Variants in GRAMD1B observed in about 807,000 individuals in gnomAD.
The protein encoded by GRAMD1B is protein Aster-B.
In GRAMD1B, 37 loss-of-function variants were observed where a neutral mutation model predicts 99.7. The observed-to-expected ratio is 0.37, with a 90% CI of 0.29 to 0.49. The LOEUF is 0.49. GRAMD1B is among the 20% of genes least tolerant of loss of function. The probability of loss-of-function intolerance (pLI) is 0.98; values close to 1 mark genes in which losing one functional copy is unlikely to be tolerated. For synonymous variants in GRAMD1B, 427 were observed against 387.6 expected, an observed-to-expected ratio of 1.10 and a Z score of -1.19; for missense variants, 888 against 1,009.2, an observed-to-expected ratio of 0.88 and a Z score of 1.63.
intron 1 of GRAMD1B, among the ~76,000 whole-genome samples, chr11:123,404,696 G>A (rs1424488871): frequency 6.6e-6 from 1 of 152,216 alleles, no homozygotes; most frequent in Non-Finnish European, 1.5e-5. Flanking sequence ...AATCATTCAT[G>A]AGAAAATCTG....
intron 2 of GRAMD1B, among the ~76,000 whole-genome samples, chr11:123,494,417 GC>G (rs1938971802): frequency 6.7e-6 from 1 of 148,476 alleles, no homozygotes; most frequent in Admixed American, 6.7e-5. Flanking sequence ...AGCACTTAAG[GC>G]CTTTTTTTTT....
rs190386398 is a variant in GRAMD1B at position 123,604,301 on chromosome 11, G to A, written c.1166+760G>A. Among the ~76,000 whole-genome samples the A allele has an allele frequency of 2.6e-5, 4 of 152,348 alleles. No homozygotes were observed. In the East Asian group the frequency reaches 7.7e-4, roughly 29 times the overall value. ...GAACCTAAAAAGGAGTTCAAGGACT[G>A]CCTGGGAGCACTCAGTGAGGGAAAG... is the stretch of plus-strand genomic sequence containing the variant. On this transcript the variant is annotated intron_variant, in intron 9 of 19. Transcript: ENST00000635736.
chr11:123,388,551 G>C (rs1159771286), intron 1 of GRAMD1B, among the ~76,000 whole-genome samples: 1 of 152,110 alleles, frequency 6.6e-6, no homozygotes, highest in Non-Finnish European at 1.5e-5. Context: ...GCACATACCT[G>C]TAGTCCCAGC....
In GRAMD1B at chr11:123,385,918, C is replaced by T. The variant is rs184196358; in HGVS notation, c.-176+27119C>T. Among the ~76,000 whole-genome samples, 600 of 152,228 alleles carry T rather than the reference C, an allele frequency of 3.9e-3. 1 individual carries two copies. The highest frequency in any genetic ancestry group is 6.4e-3 in the Admixed American group (98 of 15,288). ...GCATATGCTTCTATTGTTCCCTTCC[C>T]AGGCCTCATAATTATGCTTTGTGAA... is the stretch of plus-strand genomic sequence containing the variant. On this transcript the variant is annotated intron_variant, in intron 1 of 20. Transcript: ENST00000638157.
At chr11:123,534,478 G>T (rs1379306187) in intron 2 of GRAMD1B, among the ~76,000 whole-genome samples, 2 of 152,176 alleles carry the variant, frequency 1.3e-5, no homozygotes, top group Non-Finnish European at 2.9e-5. Flanking sequence ...AGATGGAGAG[G>T]TAGTAATGGG....
Position 123,526,116 on chromosome 11 carries a change from G to C in GRAMD1B, c.452+45223G>C, listed in dbSNP as rs374179965. 1.0e-3 allele frequency: 1,653 copies of C among 1,607,958 alleles called. 3 individuals carry two copies. Among genetic ancestry groups the C allele is most frequent in the Non-Finnish European group, 1.3e-3 (1,504 of 1,174,864 alleles). On this transcript the variant is annotated intron_variant, in intron 2 of 19. Transcript: ENST00000635736. ...TCCGGAGCTGTAACGGGGATGCTAA[G>C]GACACGGTCAGTGGATTATCGTGAC... is the stretch of plus-strand genomic sequence containing the variant.
At chr11:123,508,831 G>A (rs560754233) in intron 2 of GRAMD1B, among the ~76,000 whole-genome samples, 16 of 152,120 alleles carry the variant, frequency 1.1e-4, no homozygotes, top group Non-Finnish European at 1.8e-4. Flanking sequence ...GACTACAGGC[G>A]TGTACCACCA....
chr11:123,587,991 C>G lies in GRAMD1B; in HGVS notation c.684+3659C>G, dbSNP rs368036123. Reference sequence around the variant, plus strand: ...CCTTCCTGAGTTTTTCAGATGAGCCCCCAGCCCAGCCCAGCCCCACCCCTT... The same window carrying G: ...CCTTCCTGAGTTTTTCAGATGAGCCGCCAGCCCAGCCCAGCCCCACCCCTT... On this transcript the variant is annotated intron_variant, in intron 4 of 19. Coordinates refer to ENST00000635736, the MANE Select transcript of GRAMD1B (RefSeq NM_001387025.1). This position sits in a 1 kb window ranked among gnomAD's most constrained non-coding sequence, Gnocchi z 4.2. Among the ~76,000 whole-genome samples, 1 of 151,700 alleles carries G rather than the reference C, an allele frequency of 6.6e-6. No homozygotes were observed. Among genetic ancestry groups the G allele is most frequent in the Non-Finnish European group, 1.5e-5 (1 of 67,904 alleles).
At chr11:123,402,884 G>C (rs910315928) in intron 1 of GRAMD1B, among the ~76,000 whole-genome samples, 1 of 151,924 alleles carries the variant, frequency 6.6e-6, no homozygotes, top group Non-Finnish European at 1.5e-5. Flanking sequence ...ACAGTGTGGC[G>C]ATTCCTCAAG....
chr11:123,433,024 A>G (rs973399318), intron 1 of GRAMD1B, among the ~76,000 whole-genome samples: 3 of 152,104 alleles, frequency 2.0e-5, no homozygotes, highest in African/African-American at 7.2e-5. Flanking sequence ...GTAGAGGGAA[A>G]TGGGGCAAGC....
rs1939185909 is a variant in GRAMD1B, at chr11:123,495,777, A to G, written c.452+14884A>G. ...CTATGAGGCTTGCAAATACTATCTT[A>G]TAACCCATTATTTTAAACTGATGAC... On this transcript the variant is annotated intron_variant, in intron 2 of 19. Coordinates refer to ENST00000635736, the MANE Select transcript of GRAMD1B (RefSeq NM_001387025.1). Among the ~76,000 whole-genome samples the G allele has an allele frequency of 2.0e-5, 3 of 146,936 alleles. No homozygotes were observed. The South Asian group carries it at 6.4e-4, about 31-fold the overall frequency.
At chr11:123,436,856 A>T (rs1299072724) in intron 1 of GRAMD1B, among the ~76,000 whole-genome samples, 1 of 151,948 alleles carries the variant, frequency 6.6e-6, no homozygotes, top group Non-Finnish European at 1.5e-5. Flanking sequence ...GCACCCATTA[A>T]CTCGTCATTT....
At chr11:123,555,350 T>C (rs997721790) in intron 2 of GRAMD1B, among the ~76,000 whole-genome samples, 1 of 152,168 alleles carries the variant, frequency 6.6e-6, no homozygotes, top group Non-Finnish European at 1.5e-5. Flanking sequence ...ATGGATTTTA[T>C]TTTATTATAA....
At chr11:123,368,258 CAA>C (rs1024340450) in intron 1 of GRAMD1B, among the ~76,000 whole-genome samples, 29 of 88,306 alleles carry the variant, frequency 3.3e-4, no homozygotes, top group Admixed American at 2.0e-3. Context: ...CATCTTAAAA[CAA>C]AAAAAAAAAA....
chr11:123,437,428 G>A (rs1015293351), intron 1 of GRAMD1B, among the ~76,000 whole-genome samples: 10 of 152,158 alleles, frequency 6.6e-5, no homozygotes, highest in Admixed American at 2.0e-4. Flanking sequence ...AGCTGACGAC[G>A]GGTGAGTGAG....
chr11:123,592,703 G>A (rs1039294865), intron 4 of GRAMD1B, among the ~76,000 whole-genome samples: 2 of 152,044 alleles, frequency 1.3e-5, no homozygotes, highest in Non-Finnish European at 2.9e-5. Context: ...TTTTGTTGTT[G>A]TCGTTTTGTT....
intron 1 of GRAMD1B, among the ~76,000 whole-genome samples, chr11:123,415,095 C>CTTTTTTTTTTTTTTTTTTTT (rs1175202539): frequency 4.0e-5 from 3 of 75,816 alleles, no homozygotes; most frequent in Non-Finnish European, 4.8e-5. Context: ...CTTTTTCTTT[C>CTTTTTTTTTTTTTTTTTTTT]TTTTTTTTTT....
At chr11:123,545,598 T>C (rs1235329023) in intron 2 of GRAMD1B, among the ~76,000 whole-genome samples, 1 of 152,242 alleles carries the variant, frequency 6.6e-6, no homozygotes, top group Non-Finnish European at 1.5e-5. Flanking sequence ...TCAGCCAATC[T>C]CTGCCTCTTT....
intron 2 of GRAMD1B, among the ~76,000 whole-genome samples, chr11:123,561,194 A>G (rs778530490): frequency 3.9e-5 from 6 of 152,202 alleles, no homozygotes; most frequent in Non-Finnish European, 5.9e-5. Flanking sequence ...GGCACAATGC[A>G]TCATGGAGAA....
Sources: allele counts gnomAD v4.1 joint callset (sites outside exome capture counted in the v4.1 genomes callset), GRCh38; gene constraint gnomAD v4.1.1; non-coding constraint Gnocchi (gnomAD v3.1); transcripts MANE v1.5; gene names NCBI Gene and HGNC (gene_info 2026-07-23, HGNC 2026-07-21).